NCKAP5: variants seen among roughly 807,000 people sequenced by gnomAD.
NCKAP5 encodes NCK associated protein 5.
A neutral mutation model predicts 167.0 loss-of-function variants in NCKAP5; 92 were observed. That is an observed-to-expected ratio of 0.55 (90% CI 0.47 to 0.66). The LOEUF is 0.66. NCKAP5 is among the 30% of genes least tolerant of loss of function. NCKAP5 has a pLI of 0.00. For missense variants in NCKAP5, 2,378 were observed against 2,315.0 expected (o/e 1.03, Z -0.56); for synonymous variants, 891 against 877.4 (o/e 1.02, Z -0.27).
At chr2:133,389,488 A>C (rs966949190) in intron 3 of NCKAP5, among the ~76,000 whole-genome samples, 1 of 152,206 alleles carries the variant, frequency 6.6e-6, no homozygotes, top group African/African-American at 2.4e-5. Context: ...GCAACAGAAC[A>C]AACCAGGGAA....
At chr2:133,384,284 GT>G (rs1423968803) in intron 3 of NCKAP5, among the ~76,000 whole-genome samples, 1 of 152,176 alleles carries the variant, frequency 6.6e-6, no homozygotes, top group Non-Finnish European at 1.5e-5. Context: ...TGGCTAGCCA[GT>G]TTTCCCAGCA....
intron 5 of NCKAP5, among the ~76,000 whole-genome samples, chr2:133,172,579 C>T (rs1208333450): frequency 6.6e-6 from 1 of 152,222 alleles, no homozygotes; most frequent in African/African-American, 2.4e-5. Context: ...TCAAGCGATT[C>T]TCCTGTCTCA....
At chr2:133,186,416 CT>C (rs1245951374) in intron 5 of NCKAP5, among the ~76,000 whole-genome samples, 2 of 152,046 alleles carry the variant, frequency 1.3e-5, no homozygotes, top group Non-Finnish European at 2.9e-5. Context: ...CTGCGGTTTT[CT>C]GTTTTCACTG....
At chr2:133,414,922 C>G (rs1689012161) in intron 3 of NCKAP5, among the ~76,000 whole-genome samples, 1 of 152,184 alleles carries the variant, frequency 6.6e-6, no homozygotes, top group Non-Finnish European at 1.5e-5. Context: ...TAGGTCCTGG[C>G]TAATGGTCCC....
At chr2:133,651,809 T>C in the NCKAP5 span, among the ~76,000 whole-genome samples, 1 of 152,242 alleles carries the variant, frequency 6.6e-6, no homozygotes. Context: ...TTCAATGGAA[T>C]ATCATTCAGC....
At chr2:133,042,472 T>C (rs1200376633) in intron 6 of NCKAP5, among the ~76,000 whole-genome samples, 1 of 152,202 alleles carries the variant, frequency 6.6e-6, no homozygotes, top group Non-Finnish European at 1.5e-5. Flanking sequence ...AAACAATTTC[T>C]ACATGAAGCC....
intron 5 of NCKAP5, among the ~76,000 whole-genome samples, chr2:133,131,146 CAT>C (rs1299055372): frequency 1.3e-5 from 2 of 152,116 alleles, no homozygotes; most frequent in African/African-American, 4.8e-5. Flanking sequence ...AGCTCTAACT[CAT>C]GAGAAAAAAG....
At chr2:133,238,258 G>C (rs2087515571) in intron 4 of NCKAP5, among the ~76,000 whole-genome samples, 1 of 152,174 alleles carries the variant, frequency 6.6e-6, no homozygotes, top group African/African-American at 2.4e-5. Flanking sequence ...TTTAGAATCT[G>C]AGTGGCTCAT....
intron 5 of NCKAP5, among the ~76,000 whole-genome samples, chr2:133,176,534 T>C (rs2084470244): frequency 2.0e-5 from 3 of 152,192 alleles, no homozygotes. Flanking sequence ...ATGTTACTTA[T>C]ATTCCATTAG....
At chr2:133,653,749 C>T in the NCKAP5 span, among the ~76,000 whole-genome samples, 3 of 152,204 alleles carry the variant, frequency 2.0e-5, no homozygotes, top group Admixed American at 6.5e-5. Context: ...CAAATGTCCA[C>T]GGGCAGCGCC....
chr2:132,708,774 G>A (rs1398655540), intron 19 of NCKAP5, among the ~76,000 whole-genome samples: 1 of 152,052 alleles, frequency 6.6e-6, no homozygotes, highest in Non-Finnish European at 1.5e-5. Flanking sequence ...TTATATTGTT[G>A]TCTTCGTATT....
At chr2:132,908,712 C>G (rs557917385) in intron 8 of NCKAP5, among the ~76,000 whole-genome samples, 1 of 152,270 alleles carries the variant, frequency 6.6e-6, no homozygotes, top group South Asian at 2.1e-4. Context: ...GAAAGAATAT[C>G]TGGAATTCTG....
At chr2:133,432,674 G>A (rs1380911366) in intron 3 of NCKAP5, among the ~76,000 whole-genome samples, 1 of 152,134 alleles carries the variant, frequency 6.6e-6, no homozygotes, top group Non-Finnish European at 1.5e-5. Context: ...GCAAGACTAT[G>A]AGCTCCATGG....
At chr2:132,796,371 A>T (rs569446823) in intron 12 of NCKAP5, among the ~76,000 whole-genome samples, 1 of 152,304 alleles carries the variant, frequency 6.6e-6, no homozygotes, top group South Asian at 2.1e-4. Context: ...AGACTCTGAG[A>T]TGTAATCAAT....
chr2:132,679,628 G>A (rs1390504331), intron 19 of NCKAP5, among the ~76,000 whole-genome samples: 1 of 152,126 alleles, frequency 6.6e-6, no homozygotes, highest in Non-Finnish European at 1.5e-5. Context: ...ATAGGAAGAT[G>A]GTGATCCAGC....
the NCKAP5 span, among the ~76,000 whole-genome samples, chr2:133,640,882 G>A: frequency 2.6e-4 from 39 of 152,262 alleles, no homozygotes; most frequent in East Asian, 1.9e-3. Flanking sequence ...TAGGCACTAG[G>A]GATGTGAAGA....
intron 6 of NCKAP5, among the ~76,000 whole-genome samples, chr2:133,014,934 G>T (rs977143125): frequency 6.6e-6 from 1 of 152,120 alleles, no homozygotes; most frequent in Non-Finnish European, 1.5e-5. Context: ...GATCACAATT[G>T]ACCTATAAAA....
chr2:133,042,898 A>T (rs181458500), intron 6 of NCKAP5, among the ~76,000 whole-genome samples: 2 of 152,342 alleles, frequency 1.3e-5, no homozygotes, highest in East Asian at 3.9e-4. Flanking sequence ...ACAGATATAA[A>T]TAATTTTATA....
intron 2 of NCKAP5, among the ~76,000 whole-genome samples, chr2:133,540,021 A>C (rs1007182717): frequency 5.9e-5 from 9 of 152,156 alleles, no homozygotes; most frequent in Non-Finnish European, 1.3e-4. Context: ...TCTACTAAAA[A>C]TACATAAAGT....
Sources: allele counts gnomAD v4.1 joint callset (sites outside exome capture counted in the v4.1 genomes callset), GRCh38; gene constraint gnomAD v4.1.1; transcripts MANE v1.5; gene names NCBI Gene and HGNC (gene_info 2026-07-23, HGNC 2026-07-21).